The following CALN1 variants were observed in gnomAD, a reference collection of about 807,000 sequenced individuals.
The protein encoded by CALN1 is calcium-binding protein 8.
A neutral mutation model predicts 30.6 loss-of-function variants in CALN1; 17 were observed. The ratio of observed to expected loss-of-function variants is 0.56; its 90% CI spans 0.38 to 0.83. The LOEUF is 0.83. CALN1 is among the 40% of genes least tolerant of loss of function. The pLI, the probability that CALN1 is intolerant of heterozygous loss-of-function variation, is 0.00. For synonymous variants in CALN1, 156 were observed against 131.4 expected (o/e 1.19, Z -1.28); for missense variants, 291 against 354.9 (o/e 0.82, Z 1.45).
chr7:72,321,619 G>C (rs948949202), intron 2 of CALN1, among the ~76,000 whole-genome samples: 1 of 152,228 alleles, frequency 6.6e-6, no homozygotes, highest in African/African-American at 2.4e-5. Context: ...CAGAAGCAAA[G>C]AATTTCATTA....
intron 3 of CALN1, among the ~76,000 whole-genome samples, chr7:72,128,955 T>C (rs1052107722): frequency 6.6e-6 from 1 of 152,180 alleles, no homozygotes; most frequent in Admixed American, 6.6e-5. Flanking sequence ...TAAACATGTT[T>C]GTAATTTATG....
At chr7:72,124,967 T>A (rs1277350519) in intron 3 of CALN1, among the ~76,000 whole-genome samples, 1 of 152,116 alleles carries the variant, frequency 6.6e-6, no homozygotes, top group Non-Finnish European at 1.5e-5. Context: ...TCACAGTATT[T>A]TTTTACTATT....
intron 4 of CALN1, among the ~76,000 whole-genome samples, chr7:72,097,352 T>C (rs769097997): frequency 1.6e-4 from 24 of 152,192 alleles, no homozygotes; most frequent in Non-Finnish European, 2.5e-4. Flanking sequence ...ATACATCCCT[T>C]AGGTCTTGAG....
chr7:71,983,716 G>A (rs1798521686), intron 5 of CALN1, among the ~76,000 whole-genome samples: 1 of 152,076 alleles, frequency 6.6e-6, no homozygotes, highest in East Asian at 1.9e-4. Flanking sequence ...ATTTTTAGTA[G>A]AAACGGGGTT....
intron 1 of CALN1, among the ~76,000 whole-genome samples, chr7:72,410,562 T>C (rs1026291213): frequency 6.6e-6 from 1 of 152,194 alleles, no homozygotes; most frequent in Non-Finnish European, 1.5e-5. Flanking sequence ...AAATGAGCTT[T>C]TCAAATCAGC....
intron 5 of CALN1, among the ~76,000 whole-genome samples, chr7:71,987,955 C>T (rs1798760653): frequency 6.6e-6 from 1 of 152,154 alleles, no homozygotes. Context: ...TCCAGGGACA[C>T]AGACTGGAGA....
chr7:72,119,106 C>G lies in CALN1; in HGVS notation c.245-12812G>C, dbSNP rs149415561. On this transcript the variant is annotated intron_variant, in intron 3 of 6. Transcript: ENST00000395275. The stretch of plus-strand genomic sequence containing the variant: ...TTACAGCTGATGTTTATTTTCTTTG[C>G]TCATGGGTATTTTCAAAGTCTCTAT... Among the ~76,000 whole-genome samples the G allele has an allele frequency of 3.0e-3, 461 of 152,222 alleles. 2 individuals carry two copies. Among genetic ancestry groups the G allele is most frequent in the African/African-American group, 0.01 (425 of 41,528 alleles).
intron 4 of CALN1, among the ~76,000 whole-genome samples, chr7:72,060,163 T>A (rs2129536922): frequency 6.6e-6 from 1 of 152,194 alleles, no homozygotes; most frequent in African/African-American, 2.4e-5. Flanking sequence ...GGGAAATACT[T>A]CCTGTCTTTT....
chr7:72,383,572 G>T (rs1026138751), intron 2 of CALN1, among the ~76,000 whole-genome samples: 2 of 152,144 alleles, frequency 1.3e-5, no homozygotes, highest in Non-Finnish European at 2.9e-5. Flanking sequence ...CAGGCCCTAT[G>T]GGATGCCGTC....
At chr7:72,068,243 T>C (rs1259561520) in intron 4 of CALN1, among the ~76,000 whole-genome samples, 1 of 152,238 alleles carries the variant, frequency 6.6e-6, no homozygotes, top group Non-Finnish European at 1.5e-5. Flanking sequence ...TCGCAAATTA[T>C]ATACATACAC....
chr7:72,225,166 G>C (rs1051671852), intron 3 of CALN1, among the ~76,000 whole-genome samples: 4 of 151,816 alleles, frequency 2.6e-5, no homozygotes, highest in African/African-American at 9.7e-5. Flanking sequence ...GCCCAATGTG[G>C]TGCTTCACAG....
intron 5 of CALN1, among the ~76,000 whole-genome samples, chr7:71,963,277 C>A (rs1055046108): frequency 6.6e-6 from 1 of 152,198 alleles, no homozygotes; most frequent in Admixed American, 6.5e-5. Flanking sequence ...ATTCTCCTGC[C>A]TCAGCCTCCA....
At chr7:72,146,934 G>T (rs1369080050) in intron 3 of CALN1, among the ~76,000 whole-genome samples, 1 of 152,166 alleles carries the variant, frequency 6.6e-6, no homozygotes, top group Non-Finnish European at 1.5e-5. Context: ...GCTGAAACTG[G>T]ATCCCTTCCT....
chr7:72,241,583 G>A (rs1230691761), intron 3 of CALN1, among the ~76,000 whole-genome samples: 1 of 152,124 alleles, frequency 6.6e-6, no homozygotes, highest in Non-Finnish European at 1.5e-5. Flanking sequence ...GCGCATGCCT[G>A]TAATCCCAGC....
At chr7:72,452,354 A>G in the CALN1 span, among the ~76,000 whole-genome samples, 2 of 152,112 alleles carry the variant, frequency 1.3e-5, no homozygotes, top group African/African-American at 2.4e-5. Context: ...GGCCTGGAGT[A>G]AGGTGTTTGG....
chr7:72,085,325 A>G (rs1481216338), intron 4 of CALN1, among the ~76,000 whole-genome samples: 6 of 152,188 alleles, frequency 3.9e-5, no homozygotes, highest in Non-Finnish European at 5.9e-5. Flanking sequence ...TTTTTTAAAA[A>G]TATTTTAAAA....
chr7:72,013,576 C>A (rs1446490280), intron 5 of CALN1, among the ~76,000 whole-genome samples: 1 of 152,004 alleles, frequency 6.6e-6, no homozygotes, highest in African/African-American at 2.4e-5. Context: ...GTTAACTTTA[C>A]TGAATAATAA....
At chr7:71,833,113 C>A (rs967224772) in intron 5 of CALN1, among the ~76,000 whole-genome samples, 1 of 152,228 alleles carries the variant, frequency 6.6e-6, no homozygotes, top group Non-Finnish European at 1.5e-5. Context: ...TAGGCCTCAA[C>A]TTCTCTGACA....
the CALN1 span, among the ~76,000 whole-genome samples, chr7:72,456,568 T>G: frequency 6.6e-6 from 1 of 151,592 alleles, no homozygotes; most frequent in Non-Finnish European, 1.5e-5. Context: ...AAAAGATCCC[T>G]CAGCCAGGCA....
Sources: gnomAD v4.1 joint callset for allele counts (sites outside exome capture counted in the v4.1 genomes callset) on GRCh38, gnomAD v4.1.1 for gene constraint, MANE v1.5 for transcripts, NCBI Gene and HGNC (gene_info 2026-07-23, HGNC 2026-07-21) for gene names.